Variants in SLC24A3 observed in about 807,000 individuals in gnomAD.
SLC24A3 encodes the protein solute carrier family 24 member 3, also known as sodium/potassium/calcium exchanger 3.
SLC24A3 carries 28 observed loss-of-function variants against 75.8 expected under a neutral mutation model. The observed-to-expected ratio is 0.37, with a 90% CI of 0.27 to 0.51. The LOEUF (loss-of-function observed/expected upper bound fraction) is 0.51, where lower values mean the gene tolerates loss of function less well. Among genes scored for constraint, SLC24A3 ranks in the 20% least tolerant of loss-of-function variants. The probability of loss-of-function intolerance (pLI) is 0.94; values close to 1 mark genes in which losing one functional copy is unlikely to be tolerated. For missense variants in SLC24A3, 663 were observed against 847.8 expected, an observed-to-expected ratio of 0.78 and a Z score of 2.71; for synonymous variants, 372 against 334.1, an observed-to-expected ratio of 1.11 and a Z score of -1.24.
chr20:19,247,376 A>G (rs1982525733), intron 1 of SLC24A3, among the ~76,000 whole-genome samples: 2 of 152,352 alleles, frequency 1.3e-5, no homozygotes, highest in South Asian at 2.1e-4. Context: ...AAAGAAAATT[A>G]TGAAGAAAAA....
intron 14 of SLC24A3, 118 bp downstream of exon 14, chr20:19,697,029 G>A: frequency 9.2e-6 from 5 of 545,772 alleles, no homozygotes; most frequent in Non-Finnish European, 1.6e-5. Flanking sequence ...GGAGGGAGAA[G>A]AGAAGGAAAG....
At chr20:19,356,038 C>T (rs984323075) in intron 2 of SLC24A3, among the ~76,000 whole-genome samples, 2 of 152,188 alleles carry the variant, frequency 1.3e-5, no homozygotes, top group African/African-American at 2.4e-5. Flanking sequence ...AATTAAGAAC[C>T]CTTGGAATTA....
At position 19,618,589 on chromosome 20, in the gene SLC24A3, G is replaced by A. The variant is rs559607459; in HGVS notation, c.612+33045G>A. Among the ~76,000 whole-genome samples, 12 of 152,232 alleles carry A rather than the reference G, an allele frequency of 7.9e-5. No individual in the cohort carries two copies. The South Asian group carries it at 2.5e-3, about 32-fold the overall frequency. On this transcript the variant is annotated intron_variant, in intron 6 of 16. Transcript: ENST00000328041. ...GTAAGACTTCAACATATGAATGTTG[G>A]GGGAGAGAGAATTCAGCCCGTGACA...
intron 1 of SLC24A3, among the ~76,000 whole-genome samples, chr20:19,214,041 A>G (rs912176381): frequency 6.6e-6 from 1 of 152,222 alleles, no homozygotes; most frequent in African/African-American, 2.4e-5. Flanking sequence ...GGTGCAGAAT[A>G]AAGACATTTT....
Position 19,721,313 on chromosome 20 carries a change from C to G in SLC24A3, c.*173C>G, listed in dbSNP as rs1040721522. The stretch of plus-strand genomic sequence containing the variant: ...GCTCTCCCCTGACCCATCCTCGCTC[C>G]CCCACCTCCTTGGGTCATGCCCACC... On this transcript the variant is annotated 3_prime_UTR_variant, in exon 17 of 17. Coordinates refer to ENST00000328041, the MANE Select transcript of SLC24A3 (RefSeq NM_020689.4). 5.9e-5 allele frequency: 42 copies of G among 710,962 alleles called. No individual in the cohort carries two copies. The African/African-American group carries it at 6.5e-4, about 11-fold the overall frequency. 44.0% of individuals were successfully genotyped at this position (710,962 alleles called of 1,614,324 possible).
intron 6 of SLC24A3, among the ~76,000 whole-genome samples, chr20:19,633,639 A>T (rs2122688874): frequency 9.1e-6 from 1 of 109,450 alleles, no homozygotes; most frequent in South Asian, 3.3e-4. Context: ...ACAGAGCGAG[A>T]CTCCGTCTCA....
chr20:19,411,993 AT>A (rs1347497438), intron 2 of SLC24A3, among the ~76,000 whole-genome samples: 1 of 152,172 alleles, frequency 6.6e-6, no homozygotes, highest in African/African-American at 2.4e-5. Context: ...TCTTCACTGT[AT>A]TTTTAACTGT....
In SLC24A3 at chr20:19,721,224, G is replaced by A. The variant is rs1046162569; in HGVS notation, c.*84G>A. The A allele has an allele frequency of 3.3e-5, 51 of 1,548,364 alleles. No homozygotes were observed. Among genetic ancestry groups the A allele is most frequent in the African/African-American group, 3.3e-4 (24 of 73,552 alleles). ...CGCACCCCGAGTCACACAGGCCCCC[G>A]GGGCCACGGCGTTCGTCTCTCCTGT... is the stretch of plus-strand genomic sequence containing the variant. On this transcript the variant is annotated 3_prime_UTR_variant, in exon 17 of 17. Transcript: ENST00000328041.
At chr20:19,715,189 G>A (rs968547008) in intron 15 of SLC24A3, among the ~76,000 whole-genome samples, 1 of 152,152 alleles carries the variant, frequency 6.6e-6, no homozygotes, top group African/African-American at 2.4e-5. Flanking sequence ...AGAACACAGG[G>A]GATTATCATA....
intron 2 of SLC24A3, among the ~76,000 whole-genome samples, chr20:19,454,491 A>G (rs367677176): frequency 6.6e-6 from 1 of 152,200 alleles, no homozygotes; most frequent in African/African-American, 2.4e-5. Context: ...TATGTTAGCA[A>G]TTGGTTGGAA....
intron 2 of SLC24A3, among the ~76,000 whole-genome samples, chr20:19,425,614 T>G (rs1286337972): frequency 6.6e-6 from 1 of 152,184 alleles, no homozygotes. Context: ...GTCCGCTTGA[T>G]GTCTCTACAG....
chr20:19,424,744 AC>A (rs1568614247), intron 2 of SLC24A3, among the ~76,000 whole-genome samples: 7 of 20,476 alleles, frequency 3.4e-4, no homozygotes, highest in Admixed American at 5.7e-4. Context: ...AAAAACAACA[AC>A]AAAAAAAAAA....
At chr20:19,554,039 C>T (rs573118837) in intron 3 of SLC24A3, among the ~76,000 whole-genome samples, 1 of 152,250 alleles carries the variant, frequency 6.6e-6, no homozygotes, top group South Asian at 2.1e-4. Flanking sequence ...GATAACAATG[C>T]AGTCTAAGAA....
intron 6 of SLC24A3, among the ~76,000 whole-genome samples, chr20:19,588,054 G>T (rs2031323723): frequency 6.6e-6 from 1 of 152,126 alleles, no homozygotes; most frequent in African/African-American, 2.4e-5. Context: ...TCAGGGAGAA[G>T]GTCTTCTAAA....
At chr20:19,366,295 C>G (rs930593081) in intron 2 of SLC24A3, among the ~76,000 whole-genome samples, 10 of 152,152 alleles carry the variant, frequency 6.6e-5, no homozygotes, top group Non-Finnish European at 1.5e-5. Context: ...TCATCTTTAT[C>G]TAATTGTTCC....
chr20:19,347,764 C>A (rs1176308768), intron 2 of SLC24A3, among the ~76,000 whole-genome samples: 1 of 152,150 alleles, frequency 6.6e-6, no homozygotes. Context: ...AGTTCAGGGG[C>A]TGGTCACTCT....
At chr20:19,636,801 TC>T (rs966609025) in intron 6 of SLC24A3, among the ~76,000 whole-genome samples, 1 of 152,120 alleles carries the variant, frequency 6.6e-6, no homozygotes, top group African/African-American at 2.4e-5. Flanking sequence ...TAAGGATCCT[TC>T]CCAAAGGAAG....
chr20:19,582,337 C>A (rs1404731814), intron 4 of SLC24A3, among the ~76,000 whole-genome samples: 1 of 152,172 alleles, frequency 6.6e-6, no homozygotes, highest in Non-Finnish European at 1.5e-5. Context: ...GGGAGTGGGG[C>A]AGAAAAACAC....
intron 2 of SLC24A3, among the ~76,000 whole-genome samples, chr20:19,394,130 T>C (rs1600462388): frequency 6.6e-6 from 1 of 152,208 alleles, no homozygotes; most frequent in South Asian, 2.1e-4. Flanking sequence ...TCAACAAATG[T>C]TTCTGGGTAA....
Sources: allele counts gnomAD v4.1 joint callset (sites outside exome capture counted in the v4.1 genomes callset), GRCh38; gene constraint gnomAD v4.1.1; transcripts MANE v1.5; gene names NCBI Gene and HGNC (gene_info 2026-07-23, HGNC 2026-07-21).